Variants in SMARCAD1 observed in about 807,000 individuals in gnomAD.
The protein encoded by SMARCAD1 is SWI/SNF-related matrix-associated actin-dependent regulator of chromatin subfamily A containing DEAD/H box 1.
In SMARCAD1, 25 loss-of-function variants were observed where a neutral mutation model predicts 127.1. The observed-to-expected ratio is 0.20, with a 90% CI of 0.14 to 0.27. The LOEUF (loss-of-function observed/expected upper bound fraction) is 0.27. SMARCAD1 is among the 10% of genes least tolerant of loss of function. The probability of loss-of-function intolerance (pLI) is 1.00; values close to 1 mark genes in which losing one functional copy is unlikely to be tolerated. For synonymous variants in SMARCAD1, 400 were observed against 396.9 expected, an observed-to-expected ratio of 1.01 and a Z score of -0.09; for missense variants, 807 against 1,206.0, an observed-to-expected ratio of 0.67 and a Z score of 4.90.
At chr4:94,222,344 T>TA (rs1372973695) in intron 2 of SMARCAD1, among the ~76,000 whole-genome samples, 1 of 152,192 alleles carries the variant, frequency 6.6e-6, no homozygotes, top group Admixed American at 6.5e-5. Flanking sequence ...GTATCAGAGA[T>TA]ACAACTGACA....
At chr4:94,282,007 T>C (rs946826101) in intron 21 of SMARCAD1, among the ~76,000 whole-genome samples, 12 of 151,398 alleles carry the variant, frequency 7.9e-5, no homozygotes, top group Non-Finnish European at 1.8e-4. Context: ...ACCACTGCAC[T>C]GTAGCCTGGG....
At chr4:94,274,411 C>T (rs1427605482) in intron 12 of SMARCAD1, among the ~76,000 whole-genome samples, 13 of 152,232 alleles carry the variant, frequency 8.5e-5, no homozygotes, top group African/African-American at 2.6e-4. Context: ...CCGCAACCTC[C>T]GCCTCCCAGG....
Position 94,226,312 on chromosome 4 carries a change from G to A in SMARCAD1, c.368+16G>A, listed in dbSNP as rs764689522. On this transcript the variant is annotated intron_variant, in intron 3 of 23. Coordinates refer to ENST00000354268, the MANE Select transcript of SMARCAD1 (RefSeq NM_020159.5). ...TGATTATAGTGTAAGCTGATTAATA[G>A]ATATATTGTATTTGCATGTGTGTGA... 5 of 1,593,270 alleles carry A rather than the reference G, an allele frequency of 3.1e-6. No individual in the cohort carries two copies. The highest frequency in any genetic ancestry group is 3.4e-6 in the Non-Finnish European group (4 of 1,163,734).
chr4:94,214,698 CAT>C (rs1456864730), intron 2 of SMARCAD1, among the ~76,000 whole-genome samples: 1 of 152,100 alleles, frequency 6.6e-6, no homozygotes, highest in Non-Finnish European at 1.5e-5. Flanking sequence ...AGAATAAAGA[CAT>C]ATTTTCCCTG....
intron 7 of SMARCAD1, among the ~76,000 whole-genome samples, chr4:94,250,050 C>T (rs368352698): frequency 2.3e-4 from 35 of 151,750 alleles, no homozygotes; most frequent in African/African-American, 8.0e-4. Context: ...GTAACCCTGC[C>T]CCCATCAAGT....
chr4:94,283,014 G>A (rs996936945), intron 21 of SMARCAD1, 107 bp from the exon 22 acceptor site: 1 of 900,970 alleles, frequency 1.1e-6, no homozygotes, highest in South Asian at 1.5e-5. Flanking sequence ...ACTAAGAGAT[G>A]TACATACATC....
At chr4:94,258,480 CTT>C (rs781418968) in intron 9 of SMARCAD1, among the ~76,000 whole-genome samples, 3 of 152,094 alleles carry the variant, frequency 2.0e-5, no homozygotes, top group Non-Finnish European at 4.4e-5. Flanking sequence ...AGTTTCATCT[CTT>C]TTAGAAAATC....
intron 21 of SMARCAD1, 49 bp from the exon 22 acceptor site, chr4:94,283,072 C>T: frequency 6.8e-7 from 1 of 1,476,218 alleles, no homozygotes. Flanking sequence ...ATTTTAATTA[C>T]ATTATACAAC....
intron 8 of SMARCAD1, among the ~76,000 whole-genome samples, chr4:94,252,132 G>C (rs1250700182): frequency 6.6e-6 from 1 of 152,352 alleles, no homozygotes; most frequent in East Asian, 1.9e-4. Context: ...TTACAGGCGT[G>C]AGCCACCATG....
At chr4:94,268,037 T>G (rs1199366570) in intron 10 of SMARCAD1, among the ~76,000 whole-genome samples, 2 of 152,170 alleles carry the variant, frequency 1.3e-5, no homozygotes, top group Non-Finnish European at 2.9e-5. Context: ...AGAAAGGATC[T>G]GTAATTGGCA....
chr4:94,213,508 T>C (rs992557204), intron 2 of SMARCAD1, among the ~76,000 whole-genome samples: 1 of 152,060 alleles, frequency 6.6e-6, no homozygotes, highest in African/African-American at 2.4e-5. Context: ...CTTTATATCC[T>C]GTGTCAGGGA....
intron 2 of SMARCAD1, among the ~76,000 whole-genome samples, chr4:94,212,405 C>T (rs902026939): frequency 1.3e-5 from 2 of 152,126 alleles, no homozygotes; most frequent in Admixed American, 6.5e-5. Flanking sequence ...AAACTCCTGA[C>T]GTCAAGTGAT....
intron 14 of SMARCAD1, among the ~76,000 whole-genome samples, chr4:94,276,122 A>G (rs1179175165): frequency 6.6e-6 from 1 of 152,066 alleles, no homozygotes; most frequent in Non-Finnish European, 1.5e-5. Flanking sequence ...TCAATTATGT[A>G]TTGCAGCTTT....
intron 10 of SMARCAD1, among the ~76,000 whole-genome samples, chr4:94,265,506 T>C (rs878977533): frequency 1.3e-5 from 2 of 151,384 alleles, no homozygotes; most frequent in Admixed American, 6.6e-5. Flanking sequence ...TCAGAATTCA[T>C]GCAAAAAAAA....
chr4:94,224,460 C>T (rs1338223619), intron 2 of SMARCAD1, among the ~76,000 whole-genome samples: 1 of 152,156 alleles, frequency 6.6e-6, no homozygotes, highest in Non-Finnish European at 1.5e-5. Flanking sequence ...CCCAGCTGAT[C>T]TGTATTTCAC....
chr4:94,274,660 T>A (rs879213854), intron 12 of SMARCAD1, 78 bp from the exon 13 acceptor site: 2 of 1,344,876 alleles, frequency 1.5e-6, no homozygotes, highest in Non-Finnish European at 2.1e-6. Flanking sequence ...GTAGCACTTG[T>A]CAAAGTTTAG....
chr4:94,249,617 C>G (rs532697245), intron 6 of SMARCAD1, 37 bp from the exon 7 acceptor site: 12 of 1,085,762 alleles, frequency 1.1e-5, no homozygotes, highest in South Asian at 8.8e-5. Flanking sequence ...TTATTGATAT[C>G]TCTTAAATTG....
rs754889337 is a variant in SMARCAD1, at chr4:94,252,881, T to C, written c.1155T>C (p.Tyr385=). ...GTGAAGAAGTGATGGAGGATGGCTATAAAGGTAAAATTCTTCACTTCCTTC... is the reference window on the plus strand; with the variant it reads ...GTGAAGAAGTGATGGAGGATGGCTACAAAGGTAAAATTCTTCACTTCCTTC... ...SSGEEVMEDG[Y]KGKILHFLQD... Residue 385 remains tyrosine, a synonymous_variant, in exon 9 of 24, where the codon TAT becomes TAC. Coordinates refer to ENST00000354268, the MANE Select transcript of SMARCAD1 (RefSeq NM_020159.5). 3.7e-6 allele frequency: 6 copies of C among 1,614,126 alleles called. No homozygotes were observed. Among genetic ancestry groups the C allele is most frequent in the South Asian group, 3.3e-5 (3 of 91,076 alleles).
chr4:94,238,969 A>G (rs1329077177), intron 5 of SMARCAD1, among the ~76,000 whole-genome samples: 1 of 152,232 alleles, frequency 6.6e-6, no homozygotes, highest in Non-Finnish European at 1.5e-5. Context: ...GTTTACAATC[A>G]TTAAATTTAT....
Sources: allele counts gnomAD v4.1 joint callset (sites outside exome capture counted in the v4.1 genomes callset), GRCh38; gene constraint gnomAD v4.1.1; transcripts MANE v1.5; gene names NCBI Gene and HGNC (gene_info 2026-07-23, HGNC 2026-07-21).